Variants in OXR1 observed in about 807,000 individuals in gnomAD.
OXR1 encodes oxidation resistance protein 1.
OXR1 carries 41 observed loss-of-function variants against 104.6 expected under a neutral mutation model. That is an observed-to-expected ratio of 0.39 (90% confidence interval 0.31 to 0.51). The LOEUF is 0.51. Ranked by LOEUF, OXR1 falls within the 20% of genes least tolerant of loss-of-function variation. OXR1 has a pLI of 0.77. For missense variants in OXR1, 955 were observed against 1,031.9 expected (o/e 0.93, Z 1.02); for synonymous variants, 348 against 348.4 (o/e 1.00, Z 0.01).
intron 3 of OXR1, among the ~76,000 whole-genome samples, chr8:106,592,658 T>C (rs922416922): frequency 2.0e-5 from 3 of 151,988 alleles, no homozygotes; most frequent in African/African-American, 7.3e-5. Context: ...TATAGCAAGG[T>C]ATAGGGAAAA....
intron 3 of OXR1, among the ~76,000 whole-genome samples, chr8:106,627,924 C>T (rs1312354037): frequency 6.6e-6 from 1 of 152,164 alleles, no homozygotes; most frequent in East Asian, 1.9e-4. Flanking sequence ...GCAGATTTCC[C>T]ATGCTTACTA....
chr8:106,679,000 G>A (rs1372080772), intron 3 of OXR1, among the ~76,000 whole-genome samples: 5 of 151,768 alleles, frequency 3.3e-5, no homozygotes, highest in Non-Finnish European at 5.9e-5. Context: ...TTATTCTATT[G>A]GTTCATACTA....
At chr8:106,620,349 C>T (rs1269107735) in intron 3 of OXR1, among the ~76,000 whole-genome samples, 2 of 151,948 alleles carry the variant, frequency 1.3e-5, no homozygotes, top group Non-Finnish European at 2.9e-5. Context: ...GGTCATGCGT[C>T]TCACAATCAG....
intron 2 of OXR1, among the ~76,000 whole-genome samples, chr8:106,376,066 C>T (rs1816895030): frequency 6.6e-6 from 1 of 152,188 alleles, no homozygotes; most frequent in Admixed American, 6.5e-5. Context: ...CCAGGCTGGT[C>T]TCAAACTCCT....
intron 1 of OXR1, among the ~76,000 whole-genome samples, chr8:106,355,245 G>C (rs1383654181): frequency 2.0e-5 from 3 of 152,080 alleles, no homozygotes. Flanking sequence ...TAGAATTTTG[G>C]CTGAAAGCTA....
At chr8:106,403,866 A>G (rs562073711) in intron 2 of OXR1, among the ~76,000 whole-genome samples, 3 of 152,270 alleles carry the variant, frequency 2.0e-5, no homozygotes, top group Admixed American at 1.3e-4. Flanking sequence ...TTCTTTTGGA[A>G]TGTAGCACAG....
At chr8:106,296,524 A>G (rs1259258673) in intron 1 of OXR1, among the ~76,000 whole-genome samples, 1 of 152,168 alleles carries the variant, frequency 6.6e-6, no homozygotes, top group Non-Finnish European at 1.5e-5. Flanking sequence ...AAGAGAAGTT[A>G]AGTTCTTGCC....
chr8:106,628,142 C>T (rs1156831706), intron 3 of OXR1, among the ~76,000 whole-genome samples: 1 of 152,146 alleles, frequency 6.6e-6, no homozygotes, highest in Middle Eastern at 3.2e-3. Flanking sequence ...ACATGTGGGT[C>T]TTTCAGGGTT....
intron 2 of OXR1, among the ~76,000 whole-genome samples, chr8:106,471,030 A>G (rs975219377): frequency 4.0e-5 from 6 of 151,764 alleles, no homozygotes; most frequent in African/African-American, 1.4e-4. Flanking sequence ...ATTAGAGACA[A>G]TAAATATGAG....
intron 2 of OXR1, among the ~76,000 whole-genome samples, chr8:106,487,347 T>TTTG (rs1810741561): frequency 6.6e-6 from 1 of 150,698 alleles, no homozygotes. Context: ...TTCTTTTTTT[T>TTTG]TTTTTTTTAT....
At chr8:106,341,642 C>T (rs1271024907) in intron 1 of OXR1, among the ~76,000 whole-genome samples, 3 of 152,134 alleles carry the variant, frequency 2.0e-5, no homozygotes, top group Non-Finnish European at 1.5e-5. Context: ...CCTCTGAAAG[C>T]TCTATTCTTC....
intron 1 of OXR1, among the ~76,000 whole-genome samples, chr8:106,333,341 A>G (rs1204882535): frequency 6.6e-6 from 1 of 151,922 alleles, no homozygotes; most frequent in Non-Finnish European, 1.5e-5. Context: ...TTATCTTTTT[A>G]TTGCTGAGTT....
chr8:106,472,536 A>G (rs1821572502), intron 2 of OXR1, among the ~76,000 whole-genome samples: 1 of 151,880 alleles, frequency 6.6e-6, no homozygotes, highest in South Asian at 2.1e-4. Context: ...GAATTTCTTC[A>G]CTATTAAAAT....
At chr8:106,740,825 A>T (rs1018132295) in intron 14 of OXR1, among the ~76,000 whole-genome samples, 3 of 152,130 alleles carry the variant, frequency 2.0e-5, no homozygotes, top group Non-Finnish European at 4.4e-5. Context: ...AAAGGTAGAA[A>T]TTGACAGAAT....
chr8:106,731,354 T>G (rs1172541490), intron 11 of OXR1, among the ~76,000 whole-genome samples: 1 of 152,196 alleles, frequency 6.6e-6, no homozygotes, highest in Non-Finnish European at 1.5e-5. Context: ...GATTTTCTAG[T>G]CTGTAGCTTG....
chr8:106,596,790 C>T (rs1018025184), intron 3 of OXR1, among the ~76,000 whole-genome samples: 2 of 151,894 alleles, frequency 1.3e-5, no homozygotes, highest in African/African-American at 4.8e-5. Flanking sequence ...TGCGGTGGCT[C>T]ACGCCTGTAA....
chr8:106,339,048 C>T (rs940476436), intron 1 of OXR1, among the ~76,000 whole-genome samples: 9 of 152,114 alleles, frequency 5.9e-5, no homozygotes, highest in Non-Finnish European at 1.0e-4. Context: ...AAAGGTGCTT[C>T]TTTTCTTAAA....
At chr8:106,328,198 G>A (rs1056623518) in intron 1 of OXR1, among the ~76,000 whole-genome samples, 9 of 152,160 alleles carry the variant, frequency 5.9e-5, no homozygotes, top group East Asian at 1.9e-4. Context: ...GGCCACAAGG[G>A]CTATATTTGG....
intron 1 of OXR1, among the ~76,000 whole-genome samples, chr8:106,299,749 G>A (rs1016606508): frequency 3.3e-5 from 5 of 152,122 alleles, no homozygotes; most frequent in Admixed American, 2.0e-4. Context: ...GCACCTTGCC[G>A]CATGCTTGAC....
Sources: gnomAD v4.1 joint callset for allele counts (sites outside exome capture counted in the v4.1 genomes callset) on GRCh38, gnomAD v4.1.1 for gene constraint, MANE v1.5 for transcripts, NCBI Gene and HGNC (gene_info 2026-07-23, HGNC 2026-07-21) for gene names.